CROCC: variants seen among roughly 807,000 people sequenced by gnomAD.
CROCC encodes rootletin.
CROCC carries 180 observed loss-of-function variants against 245.2 expected under a neutral mutation model. The ratio of observed to expected loss-of-function variants is 0.73; its 90% CI spans 0.65 to 0.83. The LOEUF is 0.83. Ranked by LOEUF, CROCC falls within the 40% of genes least tolerant of loss-of-function variation. The pLI is 0.00. For missense variants in CROCC, 2,688 were observed against 2,779.4 expected (o/e 0.97, Z 0.74); for synonymous variants, 1,205 against 1,241.6 (o/e 0.97, Z 0.62).
At chr1:16,917,251 C>T (rs1224440577), upstream of CROCC, among the ~76,000 whole-genome samples, 2 of 152,306 alleles carry the variant, frequency 1.3e-5, no homozygotes, top group Non-Finnish European at 2.9e-5. Context: ...ACGCTGTCAT[C>T]TGTAAAGTGA....
chr1:16,946,081 T>C (rs1183449426), intron 15 of CROCC, among the ~76,000 whole-genome samples, 178 bp from the exon 16 acceptor site: 1 of 152,280 alleles, frequency 6.6e-6, no homozygotes, highest in African/African-American at 2.4e-5. Flanking sequence ...GGCTTTTAAA[T>C]GGCTCATAAG....
chr1:16,932,760 G>T (rs1309876235), intron 8 of CROCC, among the ~76,000 whole-genome samples: 3 of 152,286 alleles, frequency 2.0e-5, no homozygotes, highest in Non-Finnish European at 4.4e-5. Flanking sequence ...CCTGATCCGT[G>T]TGAGCAGTCA....
intron 31 of CROCC, 74 bp from the exon 32 acceptor site, chr1:16,969,042 G>A (rs1174940650): frequency 7.2e-7 from 1 of 1,388,354 alleles, no homozygotes; most frequent in Non-Finnish European, 1.0e-6. Context: ...ATGCCAGGTG[G>A]AGGTCACAGT....
chr1:16,932,268 C>G (rs1466158330), intron 8 of CROCC, among the ~76,000 whole-genome samples: 2 of 152,224 alleles, frequency 1.3e-5, no homozygotes, highest in African/African-American at 4.8e-5. Context: ...TGGAGAAACC[C>G]TGTCTCTACT....
intron 10 of CROCC, 23 bp from the exon 11 acceptor site, chr1:16,938,377 T>C: frequency 2.7e-5 from 42 of 1,547,756 alleles, no homozygotes; most frequent in Non-Finnish European, 3.6e-5. Context: ...CAACCACCCT[T>C]TGTCTCCCTA....
intron 1 of CROCC, among the ~76,000 whole-genome samples, chr1:16,916,888 C>T (rs7525161): frequency 0.055 from 8,363 of 150,986 alleles, 65 homozygotes; most frequent in African/African-American, 0.093. Flanking sequence ...GAGGCCGAGG[C>T]GGGTAGATCA....
chr1:16,962,550 A>C (rs1213735774), intron 27 of CROCC, among the ~76,000 whole-genome samples: 37 of 143,678 alleles, frequency 2.6e-4, no homozygotes, highest in East Asian at 6.2e-4. Flanking sequence ...AAAAAAAAAA[A>C]AAAAAAAAAA....
rs71006403 is a variant in CROCC at position 16,947,468 on chromosome 1, C to CAATAATAATAATAATAAT, written c.2514+493_2514+510dup. Among the ~76,000 whole-genome samples, 249 of 147,468 alleles carry CAATAATAATAATAATAAT rather than the reference C, an allele frequency of 1.7e-3. 2 individuals carry two copies. Among genetic ancestry groups the CAATAATAATAATAATAAT allele is most frequent in the Admixed American group, 1.4e-3 (21 of 14,752 alleles). Reference sequence around the variant, plus strand: ...TGGGCAACAGAGCAAGACTCCGTCTCAATAATAATAATAATAATAATAATA... The same window carrying CAATAATAATAATAATAAT: ...TGGGCAACAGAGCAAGACTCCGTCTCAATAATAATAATAATAATAATAATAATAATAATAATAATAATA... On this transcript the variant is annotated intron_variant, in intron 17 of 36. Coordinates refer to ENST00000375541, the MANE Select transcript of CROCC (RefSeq NM_014675.5).
At chr1:16,937,760 A>G (rs1180456508) in intron 10 of CROCC, 23 bp downstream of exon 10, 9 of 1,575,030 alleles carry the variant, frequency 5.7e-6, no homozygotes, top group Non-Finnish European at 7.8e-6. Flanking sequence ...TGCCCCTGAG[A>G]TGGGGCAGGG....
At chr1:16,943,580 G>A (rs1259727713) in intron 13 of CROCC, among the ~76,000 whole-genome samples, 2 of 151,936 alleles carry the variant, frequency 1.3e-5, no homozygotes, top group Non-Finnish European at 1.5e-5. Context: ...AAGTTTTTTC[G>A]CACCTATGGC....
chr1:16,966,375 G>A lies in CROCC; in HGVS notation c.4697-33G>A, dbSNP rs41273145. On this transcript the variant is annotated intron_variant, in intron 29 of 36. Coordinates refer to ENST00000375541, the MANE Select transcript of CROCC (RefSeq NM_014675.5). The surrounding 1 kb of genome is among the most constrained non-coding windows in gnomAD (Gnocchi z 4.8). ...TGGTTTGGGTCTCGGGGCTGTGCTT[G>A]GCCATGCCTGACGGGGTGGGTGGTG... 67,304 of 1,497,932 alleles carry A rather than the reference G, an allele frequency of 0.045. 1,774 individuals carry two copies. Among genetic ancestry groups the A allele is most frequent in the Middle Eastern group, 0.072 (298 of 4,130 alleles). 92.8% of individuals were successfully genotyped at this position (1,497,932 alleles called of 1,614,324 possible). A position where few individuals can be genotyped will look rare whatever the true frequency, so the allele number is the denominator to read the frequency against.
rs140590876 is a variant in CROCC, at chr1:16,970,757, A to C, written c.5774A>C (p.Gln1925Pro). Residue 1925 changes from glutamine (Q) to proline (P), a missense_variant, in exon 35 of 37, where the codon CAG (glutamine) becomes CCG (proline). Gln to Pro is a moderately conservative substitution (Grantham distance 76). Transcript: ENST00000375541. ...CTGGCAGAGGCGCAGAGGCAGATCCAGCAGCTGGAGGTCTGACCCCACCCA... is the reference window on the plus strand; with the variant it reads ...CTGGCAGAGGCGCAGAGGCAGATCCCGCAGCTGGAGGTCTGACCCCACCCA... ...LELAEAQRQI[Q>P]QLEAQVVVLE... The C allele has an allele frequency of 3.4e-4, 537 of 1,589,096 alleles. No individual in the cohort carries two copies. Among genetic ancestry groups the C allele is most frequent in the Non-Finnish European group, 4.3e-4 (500 of 1,170,070 alleles).
chr1:16,938,856 C>T, intron 11 of CROCC, 53 bp from the exon 12 acceptor site: 3 of 1,551,016 alleles, frequency 1.9e-6, no homozygotes, highest in East Asian at 2.3e-5. Flanking sequence ...GCCCAGCTAA[C>T]CCCGCGGTTC....
intron 25 of CROCC, among the ~76,000 whole-genome samples, chr1:16,956,465 G>A (rs1435189420): frequency 6.6e-6 from 1 of 152,194 alleles, no homozygotes; most frequent in Non-Finnish European, 1.5e-5. Flanking sequence ...TTGTGAACTA[G>A]GTCAGAGGTT....
intron 35 of CROCC, among the ~76,000 whole-genome samples, chr1:16,971,124 T>C (rs1408095368): frequency 6.6e-6 from 1 of 151,766 alleles, no homozygotes; most frequent in Non-Finnish European, 1.5e-5. Context: ...CATGGGGGAG[T>C]TGGGCCTTTG....
At chr1:16,944,778 T>C (rs1233480317) in intron 14 of CROCC, among the ~76,000 whole-genome samples, 1 of 152,270 alleles carries the variant, frequency 6.6e-6, no homozygotes, top group African/African-American at 2.4e-5. Flanking sequence ...AACCCAGACA[T>C]TCTGCCTTCA....
chr1:16,939,215 C>T, intron 12 of CROCC, 73 bp downstream of exon 12: 1 of 491,136 alleles, frequency 2.0e-6, no homozygotes, highest in Non-Finnish European at 3.2e-6. Context: ...CGGGTGGGGG[C>T]GGGGGCGGGG....
chr1:16,935,338 A>C (rs2075764993), intron 8 of CROCC, among the ~76,000 whole-genome samples: 1 of 152,248 alleles, frequency 6.6e-6, no homozygotes, highest in Non-Finnish European at 1.5e-5. Context: ...ACAGTTCTTG[A>C]AGATGCTTCC....
intron 24 of CROCC, among the ~76,000 whole-genome samples, chr1:16,955,762 G>T (rs2076240594): frequency 6.6e-6 from 1 of 152,114 alleles, no homozygotes; most frequent in African/African-American, 2.4e-5. Flanking sequence ...TCCAGACTCA[G>T]ACCCACCCAC....
Sources: allele counts gnomAD v4.1 joint callset (sites outside exome capture counted in the v4.1 genomes callset), GRCh38; gene constraint gnomAD v4.1.1; non-coding constraint Gnocchi (gnomAD v3.1); transcripts MANE v1.5; gene names NCBI Gene and HGNC (gene_info 2026-07-23, HGNC 2026-07-21).